SLC17A4: variants seen among roughly 807,000 people sequenced by gnomAD.
The protein encoded by SLC17A4 is solute carrier family 17 member 4.
In SLC17A4, 33 loss-of-function variants were observed where a neutral mutation model predicts 52.5. The observed-to-expected ratio is 0.63, with a 90% confidence interval of 0.48 to 0.84. The LOEUF (loss-of-function observed/expected upper bound fraction) is 0.84. SLC17A4 is among the 40% of genes least tolerant of loss of function. The pLI, the probability that SLC17A4 is intolerant of heterozygous loss-of-function variation, is 0.00. For missense variants in SLC17A4, 585 were observed against 597.1 expected, an observed-to-expected ratio of 0.98 and a Z score of 0.21; for synonymous variants, 225 against 216.2, an observed-to-expected ratio of 1.04 and a Z score of -0.36.
chr6:25,762,190 A>G (rs1346402072), intron 2 of SLC17A4, 137 bp downstream of exon 2: 1 of 675,454 alleles, frequency 1.5e-6, no homozygotes, highest in Non-Finnish European at 2.5e-6. Context: ...CCAATTGCCA[A>G]TAATTCTATA....
Position 25,770,101 on chromosome 6 carries a change from G to A in SLC17A4, c.332G>A (p.Gly111Glu), listed in dbSNP as rs1762356396. 1.2e-6 allele frequency: 2 copies of A among 1,613,922 alleles called. No homozygotes were observed. The highest frequency in any genetic ancestry group is 1.7e-5 in the Admixed American group (1 of 59,982). Residue 111 changes from glycine (G) to glutamate (E), a missense_variant, in exon 4 of 12, where the codon GGA becomes GAA. Transcript: ENST00000377905. ...TATGACTGGAGTCCTGAAATCCAGGGAATCATCCTCAGCTCCCTCAACTAT... is the reference window on the plus strand; with the variant it reads ...TATGACTGGAGTCCTGAAATCCAGGAAATCATCCTCAGCTCCCTCAACTAT... ...PAYDWSPEIQ[G>E]IILSSLNYGS...
intron 3 of SLC17A4, among the ~76,000 whole-genome samples, 187 bp downstream of exon 3, chr6:25,769,377 A>G (rs1363122980): frequency 2.0e-5 from 3 of 152,042 alleles, no homozygotes; most frequent in Non-Finnish European, 4.4e-5. Flanking sequence ...GCACTTTGGG[A>G]GGGTGAGGCA....
chr6:25,765,908 C>T (rs1201325165), intron 2 of SLC17A4, among the ~76,000 whole-genome samples: 1 of 151,894 alleles, frequency 6.6e-6, no homozygotes, highest in Non-Finnish European at 1.5e-5. Flanking sequence ...AAAAATGATG[C>T]TACTCAAGGC....
chr6:25,773,734 A>T (rs1238974148), intron 8 of SLC17A4, 60 bp downstream of exon 8: 1 of 1,554,560 alleles, frequency 6.4e-7, no homozygotes, highest in African/African-American at 1.4e-5. Context: ...ATGAGAGCTC[A>T]TATATAATCC....
At chr6:25,777,286 G>C in intron 10 of SLC17A4, 1 of 248,066 alleles carries the variant, frequency 4.0e-6, no homozygotes, top group Non-Finnish European at 7.7e-6. Flanking sequence ...GATTCTATAG[G>C]GTATGCTCAT....
intron 1 of SLC17A4, among the ~76,000 whole-genome samples, chr6:25,761,406 T>C (rs545378070): frequency 3.3e-5 from 5 of 152,262 alleles, no homozygotes; most frequent in South Asian, 2.1e-4. Context: ...ATCACTGAAA[T>C]TGATGCTTCT....
rs1179176385 is a variant in SLC17A4 at position 25,781,178 on chromosome 6, A to C, written c.*1990A>C. On this transcript the variant is annotated 3_prime_UTR_variant, in exon 12 of 12. Transcript: ENST00000377905. ...GGTCAGCTGGAGGATGATTAGCAGAAAGAAAGAAAGAAAGAAAGAAAGAAA... is the reference window on the plus strand; with the variant it reads ...GGTCAGCTGGAGGATGATTAGCAGACAGAAAGAAAGAAAGAAAGAAAGAAA... The C allele has an allele frequency of 9.6e-4, 4 of 4,154 alleles. No homozygotes were observed. 0.3% of individuals were successfully genotyped at this position (4,154 alleles called of 1,614,324 possible).
chr6:25,762,233 T>C (rs1195015078), intron 2 of SLC17A4, among the ~76,000 whole-genome samples, 180 bp downstream of exon 2: 2 of 152,222 alleles, frequency 1.3e-5, no homozygotes, highest in African/African-American at 2.4e-5. Flanking sequence ...ATTATTTCAT[T>C]TCTCATAAGA....
chr6:25,768,335 G>C, intron 2 of SLC17A4: 1 of 982,392 alleles, frequency 1.0e-6, no homozygotes, highest in Non-Finnish European at 1.2e-6. Context: ...TTTCTCTACA[G>C]GGATAGTGGA....
In SLC17A4 at chr6:25,779,492, T is replaced by G. The variant is rs1763199033; in HGVS notation, c.*304T>G. 1 of 258,768 alleles carries G rather than the reference T, an allele frequency of 3.9e-6. No homozygotes were observed. The highest frequency in any genetic ancestry group is 5.1e-5 in the Admixed American group (1 of 19,486). The allele number at this position is 258,768 out of a possible 1,614,324, so 16.0% of individuals were successfully genotyped here. ...CCAAAGCAAAAGAGGAAGCCAGACCTTGGGACCGAGAACTGAGAATCACAA... is the reference window on the plus strand; with the variant it reads ...CCAAAGCAAAAGAGGAAGCCAGACCGTGGGACCGAGAACTGAGAATCACAA... On this transcript the variant is annotated 3_prime_UTR_variant, in exon 12 of 12. Coordinates refer to ENST00000377905, the MANE Select transcript of SLC17A4 (RefSeq NM_005495.3).
intron 8 of SLC17A4, among the ~76,000 whole-genome samples, chr6:25,774,640 C>A (rs1413355021): frequency 6.6e-6 from 1 of 152,182 alleles, no homozygotes; most frequent in African/African-American, 2.4e-5. Flanking sequence ...TGCTAAGCAA[C>A]AGACTTCCTG....
intron 8 of SLC17A4, among the ~76,000 whole-genome samples, chr6:25,774,061 C>T (rs940149633): frequency 1.3e-5 from 2 of 152,094 alleles, no homozygotes; most frequent in Non-Finnish European, 2.9e-5. Flanking sequence ...CAAATTCTGC[C>T]TTTGAGAAAA....
chr6:25,759,376 G>C (rs987717851), intron 1 of SLC17A4, among the ~76,000 whole-genome samples: 1 of 152,138 alleles, frequency 6.6e-6, no homozygotes, highest in African/African-American at 2.4e-5. Flanking sequence ...TTGATGACCT[G>C]TCTAGTGCTG....
chr6:25,757,731 G>A (rs1430817979), intron 1 of SLC17A4, among the ~76,000 whole-genome samples: 4 of 152,124 alleles, frequency 2.6e-5, no homozygotes, highest in African/African-American at 9.7e-5. Context: ...TTTCTTAGCT[G>A]GAGCTCTTGT....
At chr6:25,764,474 C>T (rs2151428617) in intron 2 of SLC17A4, among the ~76,000 whole-genome samples, 1 of 152,282 alleles carries the variant, frequency 6.6e-6, no homozygotes, top group African/African-American at 2.4e-5. Flanking sequence ...AAAGTACTTC[C>T]AACTAGATTG....
At chr6:25,777,887 T>C in intron 10 of SLC17A4, 39 bp from the exon 11 acceptor site, 2 of 1,531,558 alleles carry the variant, frequency 1.3e-6, no homozygotes, top group Non-Finnish European at 1.8e-6. Flanking sequence ...CAAACGTAGG[T>C]ATACTTGGTT....
intron 1 of SLC17A4, among the ~76,000 whole-genome samples, chr6:25,761,520 A>G (rs1036594464): frequency 6.6e-6 from 1 of 152,204 alleles, no homozygotes; most frequent in Non-Finnish European, 1.5e-5. Flanking sequence ...GCTATATTTT[A>G]TGTAATATGT....
chr6:25,777,950 A>G lies in SLC17A4; in HGVS notation c.1293A>G (p.Leu431=), dbSNP rs1018115535. The G allele has an allele frequency of 1.9e-6, 3 of 1,613,184 alleles. No homozygotes were observed. Among genetic ancestry groups the G allele is most frequent in the Admixed American group, 1.7e-5 (1 of 59,992 alleles). ...GGTACACTGGCTTTCTCAAAGGACT[A>G]TTGCAAGTCTTTGCACACATAGCTG... ...APRYTGFLKG[L]LQVFAHIAGA... The change falls in exon 11 of 12, where the codon CTA becomes CTG. Residue 431 remains leucine (L), a synonymous_variant. Transcript: ENST00000377905.
At position 25,770,100 on chromosome 6, in the gene SLC17A4, G is replaced by C; in HGVS notation, c.331G>C (p.Gly111Arg). The change falls in exon 4 of 12, where the codon GGA becomes CGA. Residue 111 changes from glycine to arginine, a missense_variant. Coordinates refer to ENST00000377905, the MANE Select transcript of SLC17A4 (RefSeq NM_005495.3). ...ATATGACTGGAGTCCTGAAATCCAGGGAATCATCCTCAGCTCCCTCAACTA... is the reference window on the plus strand; with the variant it reads ...ATATGACTGGAGTCCTGAAATCCAGCGAATCATCCTCAGCTCCCTCAACTA... ...PAYDWSPEIQ[G>R]IILSSLNYGS... 6.2e-7 allele frequency: 1 copy of C among 1,614,022 alleles called. No individual in the cohort carries two copies. Among genetic ancestry groups the C allele is most frequent in the Non-Finnish European group, 8.5e-7 (1 of 1,179,936 alleles).
Sources: gnomAD v4.1 joint callset for allele counts (sites outside exome capture counted in the v4.1 genomes callset) on GRCh38, gnomAD v4.1.1 for gene constraint, MANE v1.5 for transcripts, NCBI Gene and HGNC (gene_info 2026-07-23, HGNC 2026-07-21) for gene names.